COPG2: variants seen among roughly 807,000 people sequenced by gnomAD.
COPG2 encodes the protein coat protein complex I subunit gamma 2.
A neutral mutation model predicts 46.3 loss-of-function variants in COPG2; 37 were observed. That is an observed-to-expected ratio of 0.80 (90% CI 0.61 to 1.05). The LOEUF is 1.05. COPG2 is among the 50% of genes least tolerant of loss of function. The pLI, the probability that COPG2 is intolerant of heterozygous loss-of-function variation, is 0.00. For synonymous variants in COPG2, 159 were observed against 129.7 expected (o/e 1.23, Z -1.53); for missense variants, 427 against 387.8 (o/e 1.10, Z -0.85).
intron 5 of COPG2, among the ~76,000 whole-genome samples, chr7:130,621,839 G>A (rs1554453649): frequency 1.3e-5 from 2 of 151,436 alleles, no homozygotes. Flanking sequence ...AGCTACTCGG[G>A]AGGCTGAGGT....
intron 20 of COPG2, among the ~76,000 whole-genome samples, chr7:130,517,178 C>T (rs1316106762): frequency 2.6e-5 from 4 of 152,062 alleles, no homozygotes; most frequent in Admixed American, 2.6e-4. Context: ...CAGGTATTGA[C>T]TGGGGGGTAA....
intron 9 of COPG2, among the ~76,000 whole-genome samples, chr7:130,578,494 T>C (rs1393348701): frequency 2.6e-5 from 4 of 151,792 alleles, no homozygotes; most frequent in South Asian, 2.1e-4. Context: ...CAAAGCTGGA[T>C]GGAGAATGAC....
At chr7:130,544,773 TA>T (rs1793406191) in intron 20 of COPG2, among the ~76,000 whole-genome samples, 1 of 152,174 alleles carries the variant, frequency 6.6e-6, no homozygotes, top group South Asian at 2.1e-4. Flanking sequence ...AAGGCTTTTC[TA>T]AAACTTTTTA....
intron 9 of COPG2, among the ~76,000 whole-genome samples, chr7:130,595,643 C>A (rs1227657634): frequency 1.3e-5 from 2 of 152,164 alleles, no homozygotes; most frequent in African/African-American, 4.8e-5. Flanking sequence ...CAAGATGCAA[C>A]TCTCTTGAGT....
intron 9 of COPG2, among the ~76,000 whole-genome samples, chr7:130,590,145 G>GT (rs1414939479): frequency 9.2e-5 from 14 of 151,964 alleles, no homozygotes; most frequent in East Asian, 1.9e-4. Flanking sequence ...TTTTATGAAT[G>GT]TAAGAGTCCA....
chr7:130,577,819 A>T (rs1554446500), intron 9 of COPG2, among the ~76,000 whole-genome samples: 2 of 151,434 alleles, frequency 1.3e-5, no homozygotes, highest in East Asian at 3.9e-4. Context: ...CCACGAGATT[A>T]CATCCCGCAC....
chr7:130,665,971 C>G (rs1207956396), intron 3 of COPG2, among the ~76,000 whole-genome samples: 1 of 152,204 alleles, frequency 6.6e-6, no homozygotes, highest in African/African-American at 2.4e-5. Context: ...CAGCACACAG[C>G]AGCTACGCAA....
chr7:130,621,593 G>A (rs1158462964), intron 5 of COPG2, among the ~76,000 whole-genome samples: 7 of 152,132 alleles, frequency 4.6e-5, no homozygotes, highest in African/African-American at 1.7e-4. Flanking sequence ...TGGATCACTT[G>A]AGGTCAGGGG....
chr7:130,631,806 T>C (rs1033822410), intron 5 of COPG2, among the ~76,000 whole-genome samples: 1 of 152,212 alleles, frequency 6.6e-6, no homozygotes, highest in Non-Finnish European at 1.5e-5. Flanking sequence ...TTCTTGTTTA[T>C]CTACTCAGTT....
chr7:130,618,384 G>A (rs910333097), intron 5 of COPG2, among the ~76,000 whole-genome samples: 4 of 152,022 alleles, frequency 2.6e-5, no homozygotes, highest in African/African-American at 9.7e-5. Context: ...AAAATATTCT[G>A]TAATTTCAAT....
intron 9 of COPG2, among the ~76,000 whole-genome samples, chr7:130,600,407 C>T (rs949249141): frequency 2.6e-5 from 4 of 152,112 alleles, no homozygotes; most frequent in African/African-American, 9.7e-5. Flanking sequence ...ACTACAGGAA[C>T]GTGCCACCAC....
chr7:130,629,309 T>C (rs1315711904), intron 5 of COPG2, among the ~76,000 whole-genome samples: 1 of 150,752 alleles, frequency 6.6e-6, no homozygotes, highest in Non-Finnish European at 1.5e-5. Context: ...CATTTTGTTG[T>C]CTGTAATTAA....
chr7:130,596,037 G>A (rs1323068311), intron 9 of COPG2, among the ~76,000 whole-genome samples: 1 of 152,326 alleles, frequency 6.6e-6, no homozygotes, highest in Non-Finnish European at 1.5e-5. Context: ...AGTGACAAAT[G>A]GAGGTGGGAA....
intron 9 of COPG2, chr7:130,608,151 C>T (rs6970543): frequency 0.21 from 84,480 of 410,398 alleles, 9,377 homozygotes; most frequent in Middle Eastern, 0.26. Context: ...TAATATTCAT[C>T]CTCAAGAGAT....
At chr7:130,664,962 C>T (rs1584621559) in intron 3 of COPG2, among the ~76,000 whole-genome samples, 1 of 152,168 alleles carries the variant, frequency 6.6e-6, no homozygotes, top group Admixed American at 6.5e-5. Flanking sequence ...GGGCGGATCA[C>T]CTAAGGTCAG....
chr7:130,667,864 T>C (rs1554461711), intron 1 of COPG2, among the ~76,000 whole-genome samples: 28 of 152,162 alleles, frequency 1.8e-4, no homozygotes. Context: ...TTTGATTTCC[T>C]TAGGTAAGCA....
At chr7:130,553,654 T>C (rs1163529555) in intron 14 of COPG2, among the ~76,000 whole-genome samples, 1 of 152,174 alleles carries the variant, frequency 6.6e-6, no homozygotes, top group African/African-American at 2.4e-5. Context: ...ATGACTGGAA[T>C]GTCACAGCCT....
intron 20 of COPG2, among the ~76,000 whole-genome samples, chr7:130,536,840 T>C (rs1799885200): frequency 6.6e-6 from 1 of 151,624 alleles, no homozygotes; most frequent in Non-Finnish European, 1.5e-5. Flanking sequence ...GAGGCCAAGA[T>C]AGGGGCCCAG....
At chr7:130,548,612 G>A (rs1213059559) in intron 18 of COPG2, 70 bp from the exon 19 acceptor site, 1 of 396,678 alleles carries the variant, frequency 2.5e-6, no homozygotes, top group Non-Finnish European at 4.4e-6. Flanking sequence ...CTTAAAAAAT[G>A]CTTTAGTTGG....
Sources: gnomAD v4.1 joint callset for allele counts (sites outside exome capture counted in the v4.1 genomes callset) on GRCh38, gnomAD v4.1.1 for gene constraint, MANE v1.5 for transcripts, NCBI Gene and HGNC (gene_info 2026-07-23, HGNC 2026-07-21) for gene names.